MPHOSPH9: variants seen among roughly 807,000 people sequenced by gnomAD.
MPHOSPH9 encodes the protein M-phase phosphoprotein 9.
In MPHOSPH9, 88 loss-of-function variants were observed where a neutral mutation model predicts 145.5. The observed-to-expected ratio is 0.60, with a 90% CI of 0.51 to 0.72. MPHOSPH9 has a LOEUF of 0.72. Ranked by LOEUF, MPHOSPH9 falls within the 30% of genes least tolerant of loss-of-function variation. MPHOSPH9 has a pLI of 0.00. For synonymous variants in MPHOSPH9, 435 were observed against 486.2 expected (o/e 0.89, Z 1.39); for missense variants, 1,238 against 1,386.6 (o/e 0.89, Z 1.70).
chr12:123,194,656 C>G, intron 12 of MPHOSPH9, 55 bp from the exon 13 acceptor site: 1 of 1,292,058 alleles, frequency 7.7e-7, no homozygotes, highest in Non-Finnish European at 1.0e-6. Flanking sequence ...GAGTCTCGCT[C>G]TGTTGCCCAA....
intron 13 of MPHOSPH9, among the ~76,000 whole-genome samples, chr12:123,182,645 C>T (rs2045236318): frequency 6.6e-6 from 1 of 151,902 alleles, no homozygotes; most frequent in Non-Finnish European, 1.5e-5. Flanking sequence ...GGCATGGTGG[C>T]TCATGCCTGT....
At chr12:123,225,153 G>C (rs923867267) in intron 3 of MPHOSPH9, among the ~76,000 whole-genome samples, 7 of 152,126 alleles carry the variant, frequency 4.6e-5, no homozygotes, top group African/African-American at 1.7e-4. Flanking sequence ...TATAAAAACA[G>C]AGCTCAGAGG....
chr12:123,242,297 G>A (rs1459799802), intron 1 of MPHOSPH9, among the ~76,000 whole-genome samples: 5 of 152,158 alleles, frequency 3.3e-5, no homozygotes, highest in Admixed American at 6.5e-5. Context: ...CGAAGCTCAC[G>A]TTTGAAGAAG....
chr12:123,176,684 T>G lies in MPHOSPH9; in HGVS notation c.2456+4A>C. 1 of 1,605,590 alleles carries G rather than the reference T, an allele frequency of 6.2e-7. No homozygotes were observed. Among genetic ancestry groups the G allele is most frequent in the Non-Finnish European group, 8.5e-7 (1 of 1,172,668 alleles). On this transcript the variant is annotated splice_donor_region_variant and intron_variant, in intron 16 of 23. Transcript: ENST00000606320. ...CTTTATAGAGAGTAAATGAAATAAC[T>G]TACTTGGCACGCGAGGGTCTCACGT...
chr12:123,226,231 TATA>T (rs62878460), intron 3 of MPHOSPH9: 16,262 of 686,654 alleles, frequency 0.024, 837 homozygotes, highest in African/African-American at 0.17. Context: ...TTTTTAAGCA[TATA>T]ATAATACTTT....
At position 123,179,945 on chromosome 12, in the gene MPHOSPH9, G is replaced by A. The variant is rs780827284; in HGVS notation, c.2335C>T (p.Gln779Ter). 1.4e-6 allele frequency: 2 copies of A among 1,450,196 alleles called. No homozygotes were observed. Among genetic ancestry groups the A allele is most frequent in the Non-Finnish European group, 1.9e-6 (2 of 1,072,756 alleles). 89.8% of individuals were successfully genotyped at this position (1,450,196 alleles called of 1,614,324 possible). ...TTTTACCTTTTCAAATCAGAAATCTGAGTATATGCATCAAGCAATTTGTTC... is the reference window on the plus strand; with the variant it reads ...TTTTACCTTTTCAAATCAGAAATCTAAGTATATGCATCAAGCAATTTGTTC... ...TENKLLDAYT[Q>*]ISDLKRMISK... Residue 779 changes from glutamine to a stop codon, truncating the protein, a stop_gained, in exon 15 of 24, where the codon CAG becomes TAG. Coordinates refer to ENST00000606320, the MANE Select transcript of MPHOSPH9 (RefSeq NM_022782.4). LOFTEE classifies it high-confidence loss of function.
intron 6 of MPHOSPH9, among the ~76,000 whole-genome samples, chr12:123,216,539 A>T (rs1436343194): frequency 1.3e-5 from 2 of 152,174 alleles, no homozygotes; most frequent in Non-Finnish European, 2.9e-5. Flanking sequence ...TAGAGCAATA[A>T]GGGCTATACA....
At chr12:123,208,862 G>A (rs185189509) in intron 8 of MPHOSPH9, among the ~76,000 whole-genome samples, 1 of 151,968 alleles carries the variant, frequency 6.6e-6, no homozygotes, top group Non-Finnish European at 1.5e-5. Context: ...AAGGATTACA[G>A]GTGTAAACTA....
At chr12:123,174,361 A>G (rs2044728124) in intron 16 of MPHOSPH9, among the ~76,000 whole-genome samples, 1 of 145,946 alleles carries the variant, frequency 6.9e-6, no homozygotes, top group South Asian at 2.2e-4. Flanking sequence ...ACCATCTAGA[A>G]AGAGACGACT....
In MPHOSPH9 at chr12:123,202,325, T is replaced by C. The variant is rs1389446294; in HGVS notation, c.1782-6A>G. 1 of 1,579,734 alleles carries C rather than the reference T, an allele frequency of 6.3e-7. No homozygotes were observed. Among genetic ancestry groups the C allele is most frequent in the Middle Eastern group, 1.7e-4 (1 of 5,906 alleles). ...CCTTCAGATTCTGCCTAATCCTTATTCAGTGAGAATAAAAAATATATATTA... is the reference window on the plus strand; with the variant it reads ...CCTTCAGATTCTGCCTAATCCTTATCCAGTGAGAATAAAAAATATATATTA... On this transcript the variant is annotated splice_region_variant and splice_polypyrimidine_tract_variant and intron_variant, in intron 10 of 23. Coordinates refer to ENST00000606320, the MANE Select transcript of MPHOSPH9 (RefSeq NM_022782.4).
chr12:123,209,599 G>A (rs954100922), intron 8 of MPHOSPH9, among the ~76,000 whole-genome samples: 2 of 151,852 alleles, frequency 1.3e-5, no homozygotes, highest in Non-Finnish European at 2.9e-5. Flanking sequence ...TAGTAGAAAC[G>A]GGGTTTCACC....
intron 7 of MPHOSPH9, among the ~76,000 whole-genome samples, chr12:123,213,887 T>C (rs1321141766): frequency 6.6e-6 from 1 of 151,302 alleles, no homozygotes; most frequent in East Asian, 1.9e-4. Flanking sequence ...TGTGCAAGAG[T>C]GGAAGTGGGG....
intron 8 of MPHOSPH9, among the ~76,000 whole-genome samples, chr12:123,207,926 T>G (rs1414494534): frequency 2.0e-5 from 3 of 151,700 alleles, no homozygotes; most frequent in Non-Finnish European, 4.4e-5. Flanking sequence ...CTGAATAGTT[T>G]TATTTCTTTG....
rs56061451 is a variant in MPHOSPH9, at chr12:123,197,031, GTTTTTTT to G, written c.2025+1209_2025+1215del. Among the ~76,000 whole-genome samples, 170 of 73,014 alleles carry G rather than the reference GTTTTTTT, an allele frequency of 2.3e-3. 1 individual carries two copies. Among genetic ancestry groups the G allele is most frequent in the African/African-American group, 9.0e-3 (159 of 17,734 alleles). 47.9% of individuals were successfully genotyped at this position (73,014 alleles called of 152,430 possible). A position where few individuals can be genotyped will look rare whatever the true frequency, so the allele number is the denominator to read the frequency against. On this transcript the variant is annotated intron_variant, in intron 12 of 23. Coordinates refer to ENST00000606320, the MANE Select transcript of MPHOSPH9 (RefSeq NM_022782.4). ...GGGGGGTGACGGTTAAGGGGTGTGG[GTTTTTTT>G]TTTTTTTTTTTTTTTTTTTTTGAGG...
Position 123,223,018 on chromosome 12 carries a change from C to T in MPHOSPH9, c.348+20G>A. On this transcript the variant is annotated intron_variant, in intron 4 of 23. Transcript: ENST00000606320. ...TGTATATGTATATAAAAAAAGGAAT[C>T]AATGTAAATGGTAACTTACTTGAAT... The T allele has an allele frequency of 7.0e-7, 1 of 1,436,664 alleles. No homozygotes were observed. Among genetic ancestry groups the T allele is most frequent in the Non-Finnish European group, 9.4e-7 (1 of 1,065,848 alleles). 89.0% of individuals were successfully genotyped at this position (1,436,664 alleles called of 1,614,324 possible).
chr12:123,179,296 C>T (rs1383116159), intron 15 of MPHOSPH9, among the ~76,000 whole-genome samples: 3 of 151,726 alleles, frequency 2.0e-5, no homozygotes, highest in East Asian at 1.9e-4. Context: ...CCAGGCTTGC[C>T]GGGCTCCGTG....
At position 123,194,427 on chromosome 12, in the gene MPHOSPH9, T is replaced by C; in HGVS notation, c.2200A>G (p.Lys734Glu). ...TTCTCTTGTTTTAGTTGAGCTTCTT[T>C]ATCATCTGAGAGTTTGTAAGCATTC... is the stretch of plus-strand genomic sequence containing the variant. ...FENAYKLSDD[K>E]EAQLKQENKM... is the part of the protein sequence containing the mutation. The change falls in exon 13 of 24, where the codon AAA becomes GAA. Residue 734 changes from lysine to glutamate, a missense_variant. By Grantham distance (56) the Lys-to-Glu change is moderately conservative. Around this residue, in one of 3 missense-constraint regions of MPHOSPH9, gnomAD observed 837 missense variants for 897.5 expected, o/e 0.93. Transcript: ENST00000606320. The C allele has an allele frequency of 6.2e-7, 1 of 1,605,144 alleles. No individual in the cohort carries two copies. Among genetic ancestry groups the C allele is most frequent in the South Asian group, 1.1e-5 (1 of 89,090 alleles).
At chr12:123,236,152 A>G (rs1013668545), upstream of MPHOSPH9, among the ~76,000 whole-genome samples, 4 of 152,226 alleles carry the variant, frequency 2.6e-5, no homozygotes, top group African/African-American at 9.6e-5. Flanking sequence ...ATCTGGAGAT[A>G]TGAAAGGTAA....
rs1387030207 is a variant in MPHOSPH9, at chr12:123,203,334, A to G, written c.1236T>C (p.Asp412=). ...SNEMKLPSLK[D]IYYKKQRENK... The stretch of plus-strand genomic sequence containing the variant: ...TTTCCCTTTGTTTTTTATAATAAAT[A>G]TCCTTCAGTGACGGTAGCTTCATCT... The change falls in exon 9 of 24, where the codon GAT becomes GAC. Residue 412 remains aspartate (D), a synonymous_variant. Transcript: ENST00000606320. 1 of 1,611,008 alleles carries G rather than the reference A, an allele frequency of 6.2e-7. No homozygotes were observed. The highest frequency in any genetic ancestry group is 1.1e-5 in the South Asian group (1 of 90,978).
Sources: allele counts gnomAD v4.1 joint callset (sites outside exome capture counted in the v4.1 genomes callset), GRCh38; gene constraint gnomAD v4.1.1; regional missense constraint gnomAD v4.1.1; transcripts MANE v1.5; gene names NCBI Gene and HGNC (gene_info 2026-07-23, HGNC 2026-07-21).